Variants in PHF21B observed in about 807,000 individuals in gnomAD.
PHF21B encodes the protein PHD finger protein 4.
In PHF21B, 22 loss-of-function variants were observed where a neutral mutation model predicts 62.2. That is an observed-to-expected ratio of 0.35 (90% confidence interval 0.25 to 0.51). The LOEUF (loss-of-function observed/expected upper bound fraction) is 0.51, where lower values mean the gene tolerates loss of function less well. PHF21B is among the 20% of genes least tolerant of loss of function. PHF21B has a pLI of 0.97. For synonymous variants in PHF21B, 341 were observed against 314.7 expected (o/e 1.08, Z -0.88); for missense variants, 701 against 707.9 (o/e 0.99, Z 0.11).
chr22:44,964,809 G>A (rs188081139), intron 2 of PHF21B, among the ~76,000 whole-genome samples: 14 of 152,108 alleles, frequency 9.2e-5, no homozygotes, highest in African/African-American at 3.1e-4. Context: ...CTGACCTCCC[G>A]GAGACTCACA....
intron 2 of PHF21B, among the ~76,000 whole-genome samples, chr22:44,984,673 G>A (rs1436421523): frequency 6.6e-6 from 1 of 152,148 alleles, no homozygotes; most frequent in African/African-American, 2.4e-5. Flanking sequence ...TTTCAATCCT[G>A]CTCTGTAAGT....
At chr22:44,939,313 G>C (rs2071910239) in intron 2 of PHF21B, among the ~76,000 whole-genome samples, 1 of 152,234 alleles carries the variant, frequency 6.6e-6, no homozygotes, top group African/African-American at 2.4e-5. Flanking sequence ...AGTGGAGAAG[G>C]AGAGAGGGCT....
chr22:44,939,037 G>C (rs936591177), intron 2 of PHF21B, among the ~76,000 whole-genome samples: 1 of 152,248 alleles, frequency 6.6e-6, no homozygotes, highest in Non-Finnish European at 1.5e-5. Context: ...CCTCCAGTGC[G>C]TGAGCTCAGA....
intron 5 of PHF21B, among the ~76,000 whole-genome samples, chr22:44,908,660 G>A (rs2071293687): frequency 6.6e-6 from 1 of 152,158 alleles, no homozygotes; most frequent in African/African-American, 2.4e-5. Context: ...CACCCCTACT[G>A]GCTGACCTTG....
chr22:44,985,513 G>A (rs752835489), intron 2 of PHF21B, among the ~76,000 whole-genome samples: 7 of 151,882 alleles, frequency 4.6e-5, no homozygotes, highest in African/African-American at 7.3e-5. Flanking sequence ...CAGGAGGATC[G>A]CTGGAACCCA....
chr22:44,962,585 C>A (rs558002725), intron 2 of PHF21B, among the ~76,000 whole-genome samples: 2 of 152,316 alleles, frequency 1.3e-5, no homozygotes, highest in Non-Finnish European at 2.9e-5. Flanking sequence ...GATAGAGTCA[C>A]AAAAGCGTAG....
At chr22:44,884,569 TCACCA>T (rs2070816729) in intron 12 of PHF21B, among the ~76,000 whole-genome samples, 2 of 146,972 alleles carry the variant, frequency 1.4e-5, no homozygotes, top group African/African-American at 5.1e-5. Flanking sequence ...ATCGCCATTA[TCACCA>T]TCACTGTGAT....
chr22:44,969,765 A>G (rs571173757), intron 2 of PHF21B, among the ~76,000 whole-genome samples: 3 of 152,342 alleles, frequency 2.0e-5, no homozygotes, highest in African/African-American at 4.8e-5. Context: ...TATGACATGC[A>G]TGGCTGAGTG....
chr22:44,900,834 T>C (rs1056938714), intron 5 of PHF21B, among the ~76,000 whole-genome samples: 5 of 151,356 alleles, frequency 3.3e-5, no homozygotes, highest in Admixed American at 2.6e-4. Context: ...TTTGTTTCCA[T>C]AGTCAATCAG....
At chr22:44,905,767 T>C (rs1217255617) in intron 5 of PHF21B, among the ~76,000 whole-genome samples, 1 of 152,230 alleles carries the variant, frequency 6.6e-6, no homozygotes, top group East Asian at 1.9e-4. Context: ...TAGCTGGGAC[T>C]ACAGGCACCC....
At chr22:45,007,614 T>C in intron 2 of PHF21B, among the ~76,000 whole-genome samples, 1 of 137,158 alleles carries the variant, frequency 7.3e-6, no homozygotes, top group Non-Finnish European at 1.6e-5. Flanking sequence ...GCCGCCCCCG[T>C]GCCCGCCACA....
At chr22:44,985,106 C>G (rs141756848) in intron 2 of PHF21B, among the ~76,000 whole-genome samples, 1 of 152,166 alleles carries the variant, frequency 6.6e-6, no homozygotes, top group African/African-American at 2.4e-5. Context: ...ACTAGGACTT[C>G]GAAAACTTTT....
chr22:45,008,804 C>A (rs1298921854), intron 1 of PHF21B, 194 bp from the exon 2 acceptor site: 3 of 1,176,760 alleles, frequency 2.5e-6, no homozygotes, highest in Non-Finnish European at 3.1e-6. Flanking sequence ...CTGTGGCTGC[C>A]GCCTCATCGG....
intron 3 of PHF21B, among the ~76,000 whole-genome samples, chr22:44,918,749 G>A (rs2071483768): frequency 6.6e-6 from 1 of 152,238 alleles, no homozygotes; most frequent in Non-Finnish European, 1.5e-5. Flanking sequence ...AGACAGCAAG[G>A]ACAAAACATG....
At chr22:44,969,277 C>T (rs2072591018) in intron 2 of PHF21B, 1 of 152,280 alleles carries the variant, frequency 6.6e-6, no homozygotes, top group Non-Finnish European at 1.5e-5. Context: ...CGTTCTTCCA[C>T]CCTCAAGCTC....
At position 44,882,825 on chromosome 22, in the gene PHF21B, C is replaced by CGG; in HGVS notation, c.*259_*260dup. 2.3e-6 allele frequency: 1 copy of CGG among 437,560 alleles called. No individual in the cohort carries two copies. The highest frequency in any genetic ancestry group is 3.4e-5 in the South Asian group (1 of 29,158). The allele number at this position is 437,560 out of a possible 1,614,324, so 27.1% of individuals were successfully genotyped here. On this transcript the variant is annotated 3_prime_UTR_variant, in exon 13 of 13. Transcript: ENST00000313237. ...GAGGCCCAGGCAGCCCCGAGGTGGC[C>CGG]GGGGGGAGACTGTGTGCCCCAGCCT...
intron 10 of PHF21B, among the ~76,000 whole-genome samples, chr22:44,887,070 C>T (rs547057831): frequency 1.3e-5 from 2 of 150,848 alleles, no homozygotes; most frequent in East Asian, 3.9e-4. Context: ...GCAGGAGAAT[C>T]GCTTGAACCC....
At position 45,009,542 on chromosome 22, in the gene PHF21B, A is replaced by C. The variant is rs773322052; in HGVS notation, c.8T>G (p.Leu3Arg). 5 of 1,574,006 alleles carry C rather than the reference A, an allele frequency of 3.2e-6. No individual in the cohort carries two copies. The highest frequency in any genetic ancestry group is 4.3e-6 in the Non-Finnish European group (5 of 1,169,720). ...GGCGAGCGCCTCGGGCCGGCTCTGC[A>C]GCTCCATCCCGGCAACTTGGGCAGC... ME[L>R]QSRPEALAVE... The change falls in exon 1 of 13, where the codon CTG (leucine) becomes CGG (arginine). Residue 3 changes from leucine to arginine, a missense_variant. Physicochemically the swap from Leu to Arg is moderately radical, Grantham distance 102. Transcript: ENST00000313237. The surrounding 1 kb of genome is among the most constrained non-coding windows in gnomAD (Gnocchi z 5.9).
At chr22:44,891,010 T>C (rs554469395) in intron 8 of PHF21B, among the ~76,000 whole-genome samples, 4 of 152,310 alleles carry the variant, frequency 2.6e-5, no homozygotes, top group East Asian at 3.9e-4. Context: ...CAGTGGAGTA[T>C]GGAAGCAGCA....
Sources: allele counts gnomAD v4.1 joint callset (sites outside exome capture counted in the v4.1 genomes callset), GRCh38; gene constraint gnomAD v4.1.1; non-coding constraint Gnocchi (gnomAD v3.1); transcripts MANE v1.5; gene names NCBI Gene and HGNC (gene_info 2026-07-23, HGNC 2026-07-21).